NCKAP5: variants seen among roughly 807,000 people sequenced by gnomAD.
NCKAP5 encodes the protein nck-associated protein 5.
NCKAP5 carries 92 observed loss-of-function variants against 167.0 expected under a neutral mutation model. That is an observed-to-expected ratio of 0.55 (90% CI 0.47 to 0.66). The LOEUF is 0.66. Among genes scored for constraint, NCKAP5 ranks in the 30% least tolerant of loss-of-function variants. The pLI is 0.00. For synonymous variants in NCKAP5, 891 were observed against 877.4 expected (o/e 1.02, Z -0.27); for missense variants, 2,378 against 2,315.0 (o/e 1.03, Z -0.56).
At chr2:133,019,276 G>A (rs758866623) in intron 6 of NCKAP5, among the ~76,000 whole-genome samples, 2 of 152,122 alleles carry the variant, frequency 1.3e-5, no homozygotes, top group Non-Finnish European at 2.9e-5. Flanking sequence ...TCAACTCACT[G>A]GGGAGTTTAT....
the NCKAP5 span, among the ~76,000 whole-genome samples, chr2:133,649,980 A>G: frequency 6.6e-6 from 1 of 152,186 alleles, no homozygotes; most frequent in Non-Finnish European, 1.5e-5. Context: ...AAAAAAATAA[A>G]TAAATAAAAC....
chr2:133,586,218 G>T, the NCKAP5 span, among the ~76,000 whole-genome samples: 3 of 152,104 alleles, frequency 2.0e-5, no homozygotes, highest in Non-Finnish European at 4.4e-5. Context: ...GTGATCTCTA[G>T]GTATCTAAGC....
At chr2:132,707,544 C>T (rs78117566) in intron 19 of NCKAP5, among the ~76,000 whole-genome samples, 4,003 of 152,152 alleles carry the variant, frequency 0.026, 180 homozygotes, top group African/African-American at 0.09. Flanking sequence ...CAATGGAGTG[C>T]GTACATCACC....
chr2:133,043,025 A>G (rs558290934), intron 6 of NCKAP5, among the ~76,000 whole-genome samples: 2 of 152,304 alleles, frequency 1.3e-5, no homozygotes, highest in East Asian at 1.9e-4. Context: ...ATTTGCTTCC[A>G]CATTAACCAC....
chr2:132,682,620 T>C (rs2105049206), intron 19 of NCKAP5, among the ~76,000 whole-genome samples: 1 of 152,346 alleles, frequency 6.6e-6, no homozygotes, highest in Non-Finnish European at 1.5e-5. Flanking sequence ...CCCAGTCTGC[T>C]CTTTGGTCTA....
At chr2:132,866,934 C>T (rs931880712) in intron 10 of NCKAP5, among the ~76,000 whole-genome samples, 1 of 152,086 alleles carries the variant, frequency 6.6e-6, no homozygotes, top group Non-Finnish European at 1.5e-5. Flanking sequence ...CCCATAAAAA[C>T]TGGAGGCACA....
intron 3 of NCKAP5, among the ~76,000 whole-genome samples, chr2:133,460,012 T>C (rs1191385325): frequency 6.6e-6 from 1 of 152,210 alleles, no homozygotes; most frequent in Admixed American, 6.5e-5. Context: ...CTCGCATCAG[T>C]TCATTTTTCC....
chr2:133,289,824 G>A (rs1481002461), intron 4 of NCKAP5, among the ~76,000 whole-genome samples: 1 of 152,170 alleles, frequency 6.6e-6, no homozygotes, highest in Non-Finnish European at 1.5e-5. Flanking sequence ...AAGCATGGGT[G>A]GGGAGGCCTC....
At chr2:133,471,932 T>C (rs1347806141) in intron 3 of NCKAP5, among the ~76,000 whole-genome samples, 1 of 152,244 alleles carries the variant, frequency 6.6e-6, no homozygotes, top group South Asian at 2.1e-4. Context: ...TCATTGATCA[T>C]AAACTTTTAT....
intron 6 of NCKAP5, among the ~76,000 whole-genome samples, chr2:133,031,606 C>T (rs1573804970): frequency 6.6e-6 from 1 of 152,062 alleles, no homozygotes; most frequent in African/African-American, 2.4e-5. Context: ...GTGGGTGGGG[C>T]ATGTGACTTT....
At chr2:133,436,340 C>T (rs1468011735) in intron 3 of NCKAP5, among the ~76,000 whole-genome samples, 2 of 152,176 alleles carry the variant, frequency 1.3e-5, no homozygotes, top group Admixed American at 6.5e-5. Flanking sequence ...TTTTAAAGCT[C>T]TCCAGATGAC....
chr2:133,489,691 A>C (rs931052612), intron 3 of NCKAP5, among the ~76,000 whole-genome samples: 1 of 152,090 alleles, frequency 6.6e-6, no homozygotes, highest in Non-Finnish European at 1.5e-5. Context: ...ATAAAATCAC[A>C]ATACAATACA....
intron 5 of NCKAP5, among the ~76,000 whole-genome samples, chr2:133,192,391 A>T (rs982620013): frequency 5.9e-5 from 9 of 152,066 alleles, no homozygotes; most frequent in Non-Finnish European, 1.2e-4. Context: ...ACAAATCCAT[A>T]AAAGGGAAAA....
At chr2:132,867,863 T>G (rs946320588) in intron 10 of NCKAP5, among the ~76,000 whole-genome samples, 4 of 152,160 alleles carry the variant, frequency 2.6e-5, no homozygotes, top group Non-Finnish European at 4.4e-5. Flanking sequence ...GGAACCTAAT[T>G]CTAACTCTAC....
chr2:132,782,084 T>C lies in NCKAP5; in HGVS notation c.4727A>G (p.Asp1576Gly), dbSNP rs1392152597. Residue 1576 changes from aspartate (D) to glycine (G), a missense_variant, in exon 14 of 20, where the codon GAT (aspartate) becomes GGT (glycine). Around this residue, in one of 3 missense-constraint regions of NCKAP5, gnomAD observed 1,325 missense variants for 1,274.5 expected, o/e 1.04. Transcript: ENST00000409261. ...NELIKDTKSA[D>G]NPDGGLQSKN... ...GCTTTGTAAACCGCCATCTGGATTA[T>C]CTGCTGACTTGGTGTCCTTGATAAG... 1.2e-6 allele frequency: 2 copies of C among 1,613,976 alleles called. No homozygotes were observed. The highest frequency in any genetic ancestry group is 1.7e-5 in the Admixed American group (1 of 60,018).
chr2:133,352,731 G>A (rs924623744), intron 3 of NCKAP5, among the ~76,000 whole-genome samples: 1 of 152,214 alleles, frequency 6.6e-6, no homozygotes, highest in African/African-American at 2.4e-5. Context: ...CTGCCAGACA[G>A]AGATTTATGT....
At chr2:133,374,874 C>T (rs754520419) in intron 3 of NCKAP5, among the ~76,000 whole-genome samples, 2 of 152,178 alleles carry the variant, frequency 1.3e-5, no homozygotes, top group Non-Finnish European at 2.9e-5. Context: ...GGAAAGCACT[C>T]ACTAAACTTT....
chr2:133,051,884 C>A (rs921511566), intron 6 of NCKAP5, among the ~76,000 whole-genome samples: 1 of 152,126 alleles, frequency 6.6e-6, no homozygotes, highest in African/African-American at 2.4e-5. Flanking sequence ...TGATTCAATA[C>A]CCTCCATTTG....
chr2:133,572,260 AC>A (rs1182255288), upstream of NCKAP5, among the ~76,000 whole-genome samples: 16 of 152,220 alleles, frequency 1.1e-4, no homozygotes, highest in African/African-American at 3.4e-4. Flanking sequence ...GAAGCATGTG[AC>A]CACCATTAAT....
Sources: gnomAD v4.1 joint callset for allele counts (sites outside exome capture counted in the v4.1 genomes callset) on GRCh38, gnomAD v4.1.1 for gene constraint, gnomAD v4.1.1 regional missense constraint, MANE v1.5 for transcripts, NCBI Gene and HGNC (gene_info 2026-07-23, HGNC 2026-07-21) for gene names.